Variants in CPNE8 observed in about 807,000 individuals in gnomAD.
CPNE8 encodes the protein copine 8.
A neutral mutation model predicts 81.5 loss-of-function variants in CPNE8; 45 were observed. That is an observed-to-expected ratio of 0.55 (90% CI 0.44 to 0.71). The LOEUF is 0.71. Among genes scored for constraint, CPNE8 ranks in the 30% least tolerant of loss-of-function variants. The pLI, the probability that CPNE8 is intolerant of heterozygous loss-of-function variation, is 0.00. For missense variants in CPNE8, 594 were observed against 672.1 expected, an observed-to-expected ratio of 0.88 and a Z score of 1.28; for synonymous variants, 252 against 226.3, an observed-to-expected ratio of 1.11 and a Z score of -1.02.
chr12:38,786,769 G>A (rs1308296046), intron 6 of CPNE8, among the ~76,000 whole-genome samples: 1 of 151,930 alleles, frequency 6.6e-6, no homozygotes, highest in African/African-American at 2.4e-5. Flanking sequence ...AAGATAAAGG[G>A]GTCAATTAAG....
rs1423722737 is a variant in CPNE8, at chr12:38,805,635, C to A, written c.407+23744G>T. On this transcript the variant is annotated intron_variant, in intron 6 of 19. Coordinates refer to ENST00000331366, the MANE Select transcript of CPNE8 (RefSeq NM_153634.3). The stretch of plus-strand genomic sequence containing the variant: ...ATGTAACTAACCTGCACAATGTGCA[C>A]ATGTAACCTAAAACTTAGAGTATAA... 1.3e-3 allele frequency among the ~76,000 whole-genome samples: 108 copies of A among 82,034 alleles called. 2 individuals are homozygous for A. The highest frequency in any genetic ancestry group is 2.3e-3 in the Non-Finnish European group (101 of 43,098). The allele number at this position is 82,034 out of a possible 152,430, so 53.8% of individuals were successfully genotyped here.
In CPNE8 at chr12:38,787,346, C is replaced by G. The variant is rs570365673; in HGVS notation, c.408-11045G>C. 4.0e-5 allele frequency among the ~76,000 whole-genome samples: 6 copies of G among 151,184 alleles called. No individual in the cohort carries two copies. The South Asian group carries it at 1.1e-3, about 26-fold the overall frequency. On this transcript the variant is annotated intron_variant, in intron 6 of 19. Coordinates refer to ENST00000331366, the MANE Select transcript of CPNE8 (RefSeq NM_153634.3). ...ACACATGAAAATTTAAAATATGCTCCTGAAATGAATGGTGGGTCAGAAATT... is the reference window on the plus strand; with the variant it reads ...ACACATGAAAATTTAAAATATGCTCGTGAAATGAATGGTGGGTCAGAAATT...
At chr12:38,666,592 C>T (rs1464936611) in intron 19 of CPNE8, among the ~76,000 whole-genome samples, 1 of 151,978 alleles carries the variant, frequency 6.6e-6, no homozygotes, top group Non-Finnish European at 1.5e-5. Context: ...AAGAGTATTC[C>T]AGGTAAATGA....
intron 5 of CPNE8, among the ~76,000 whole-genome samples, chr12:38,836,436 A>G (rs534749303): frequency 1.3e-5 from 2 of 152,246 alleles, no homozygotes; most frequent in South Asian, 4.1e-4. Context: ...CATTTTCCCT[A>G]ACAGTATCAA....
chr12:38,862,801 G>C (rs1241556546), intron 3 of CPNE8, among the ~76,000 whole-genome samples: 2 of 151,992 alleles, frequency 1.3e-5, no homozygotes, highest in Non-Finnish European at 2.9e-5. Context: ...ATACAAAAAT[G>C]AGTCAGGCCT....
At chr12:38,874,561 A>G in intron 1 of CPNE8, 50 bp from the exon 2 acceptor site, 2 of 1,169,744 alleles carry the variant, frequency 1.7e-6, no homozygotes, top group Non-Finnish European at 1.3e-6. Context: ...CAAAATATTT[A>G]TATTTATATA....
chr12:38,906,086 C>T (rs112168825), upstream of CPNE8: 898 of 986,612 alleles, frequency 9.1e-4, 1 homozygote, highest in Middle Eastern at 2.6e-3. Context: ...GGGGGCACCT[C>T]TGCCCGTTCC....
At chr12:38,671,274 C>T (rs959617411) in intron 18 of CPNE8, among the ~76,000 whole-genome samples, 1 of 152,064 alleles carries the variant, frequency 6.6e-6, no homozygotes, top group East Asian at 1.9e-4. Flanking sequence ...CAAAGCCATA[C>T]ACATACACAC....
At chr12:38,717,727 G>A (rs1271241458) in intron 13 of CPNE8, among the ~76,000 whole-genome samples, 2 of 151,372 alleles carry the variant, frequency 1.3e-5, no homozygotes, top group East Asian at 3.9e-4. Context: ...TTGCTCAGGT[G>A]ACAAGTGCAC....
Position 38,793,354 on chromosome 12 carries a change from ACT to A in CPNE8, c.408-17055_408-17054del, listed in dbSNP as rs1491331819. On this transcript the variant is annotated intron_variant, in intron 6 of 19. Transcript: ENST00000331366. ...TACACACACACACACACACACACAC[ACT>A]GTTAGAACTAATAAACAAATTCAAA... Among the ~76,000 whole-genome samples the A allele has an allele frequency of 9.6e-3, 1,410 of 146,762 alleles. 29 individuals are homozygous for A. Among genetic ancestry groups the A allele is most frequent in the African/African-American group, 0.033 (1,300 of 39,892 alleles).
At chr12:38,885,637 T>C (rs916078536) in intron 1 of CPNE8, among the ~76,000 whole-genome samples, 1 of 149,120 alleles carries the variant, frequency 6.7e-6, no homozygotes, top group Non-Finnish European at 1.5e-5. Context: ...TATTTCAATC[T>C]TTTTTTTTTA....
At chr12:38,721,291 G>T (rs1283394338) in intron 13 of CPNE8, 1 of 153,998 alleles carries the variant, frequency 6.5e-6, no homozygotes, top group Non-Finnish European at 1.4e-5. Flanking sequence ...CCTTCTGTCT[G>T]CTAGGAGCTG....
At chr12:38,857,074 AT>A (rs1405187614) in intron 3 of CPNE8, among the ~76,000 whole-genome samples, 4 of 151,930 alleles carry the variant, frequency 2.6e-5, no homozygotes, top group African/African-American at 4.8e-5. Context: ...TTTTTCCTTA[AT>A]TTTCAAAATA....
At chr12:38,881,322 A>G (rs1294407979) in intron 1 of CPNE8, among the ~76,000 whole-genome samples, 1 of 151,904 alleles carries the variant, frequency 6.6e-6, no homozygotes, top group Non-Finnish European at 1.5e-5. Flanking sequence ...GAAAGTACTT[A>G]ACAAGATTAT....
chr12:38,822,837 A>C (rs1943128042), intron 6 of CPNE8, among the ~76,000 whole-genome samples: 1 of 152,198 alleles, frequency 6.6e-6, no homozygotes, highest in East Asian at 1.9e-4. Context: ...AGGACTAAAA[A>C]CACCATCTTC....
At chr12:38,806,438 C>T (rs956319950) in intron 6 of CPNE8, among the ~76,000 whole-genome samples, 12 of 149,700 alleles carry the variant, frequency 8.0e-5, no homozygotes, top group Non-Finnish European at 1.2e-4. Context: ...GGATGCAAGG[C>T]TGGTTCAATA....
chr12:38,685,608 G>A lies in CPNE8; in HGVS notation c.1153C>T (p.Pro385Ser). 6.2e-7 allele frequency: 1 copy of A among 1,612,580 alleles called. No individual in the cohort carries two copies. The highest frequency in any genetic ancestry group is 1.1e-5 in the South Asian group (1 of 90,806). ...ISHEFALNGN[P>S]QNPYCDGIEG... ...ATGCCATCACAGTAGGGGTTTTGAGGATTCCCATTCTGTAGAAATTTATAG... is the reference window on the plus strand; with the variant it reads ...ATGCCATCACAGTAGGGGTTTTGAGAATTCCCATTCTGTAGAAATTTATAG... Residue 385 changes from proline (P) to serine (S), a missense_variant, in exon 16 of 20, where the codon CCT becomes TCT. Physicochemically the swap from Pro to Ser is moderately conservative, Grantham distance 74. Coordinates refer to ENST00000331366, the MANE Select transcript of CPNE8 (RefSeq NM_153634.3).
At chr12:38,809,868 A>G (rs1257452710) in intron 6 of CPNE8, among the ~76,000 whole-genome samples, 1 of 152,176 alleles carries the variant, frequency 6.6e-6, no homozygotes, top group African/African-American at 2.4e-5. Flanking sequence ...TGCTTCCAAC[A>G]CATGATGGGT....
intron 19 of CPNE8, among the ~76,000 whole-genome samples, chr12:38,666,023 G>A (rs1477352603): frequency 6.6e-6 from 1 of 152,112 alleles, no homozygotes; most frequent in Admixed American, 6.6e-5. Flanking sequence ...TAGTTGGGAG[G>A]TCTTCTGCTA....
Sources: gnomAD v4.1 joint callset for allele counts (sites outside exome capture counted in the v4.1 genomes callset) on GRCh38, gnomAD v4.1.1 for gene constraint, MANE v1.5 for transcripts, NCBI Gene and HGNC (gene_info 2026-07-23, HGNC 2026-07-21) for gene names.